Variants in OCA2 observed in about 807,000 individuals in gnomAD.
The protein encoded by OCA2 is OCA2 melanosomal transmembrane protein.
A neutral mutation model predicts 100.2 loss-of-function variants in OCA2; 77 were observed. The ratio of observed to expected loss-of-function variants is 0.77; its 90% CI spans 0.64 to 0.93. The LOEUF is 0.93. Among genes scored for constraint, OCA2 ranks in the 40% least tolerant of loss-of-function variants. OCA2 has a pLI of 0.00. For synonymous variants in OCA2, 432 were observed against 439.2 expected (o/e 0.98, Z 0.21); for missense variants, 1,062 against 1,089.1 (o/e 0.98, Z 0.35).
intron 1 of OCA2, among the ~76,000 whole-genome samples, chr15:28,097,036 C>T (rs981425471): frequency 6.6e-6 from 1 of 152,198 alleles, no homozygotes; most frequent in Admixed American, 6.5e-5. Flanking sequence ...CGGCGCTGTG[C>T]CGCTGTAGTT....
chr15:27,989,751 G>T, intron 10 of OCA2, 85 bp from the exon 11 acceptor site: 1 of 1,242,628 alleles, frequency 8.0e-7, no homozygotes, highest in Non-Finnish European at 1.2e-6. Flanking sequence ...CCCTGCTGCA[G>T]ACCCACTCAG....
At position 27,955,191 on chromosome 15, in the gene OCA2, A is replaced by AT; in HGVS notation, c.1808dup (p.Asn603LysfsTer14). 1 of 1,612,524 alleles carries AT rather than the reference A, an allele frequency of 6.2e-7. No individual in the cohort carries two copies. The highest frequency in any genetic ancestry group is 1.7e-5 in the Admixed American group (1 of 60,024). On this transcript the variant is annotated frameshift_variant, in exon 17 of 24. Transcript: ENST00000354638. LOFTEE classifies it high-confidence loss of function. ...GGAGTTCTTGGATATTGGTCTCCCA[A>AT]TTTTTGTCCTCCTGTGAGATCTGTC... is the stretch of plus-strand genomic sequence containing the variant.
At chr15:27,906,195 CAAGT>C (rs1014058314) in intron 19 of OCA2, among the ~76,000 whole-genome samples, 8 of 152,166 alleles carry the variant, frequency 5.3e-5, no homozygotes, top group Non-Finnish European at 1.2e-4. Flanking sequence ...GTTCCCAAAA[CAAGT>C]AACAATAAAT....
intron 23 of OCA2, among the ~76,000 whole-genome samples, chr15:27,836,431 CCTTT>C (rs576491748): frequency 5.2e-4 from 79 of 152,102 alleles, no homozygotes; most frequent in African/African-American, 1.9e-3. Flanking sequence ...TTCCTTCTTT[CCTTT>C]CTTTCTTTCT....
intron 21 of OCA2, among the ~76,000 whole-genome samples, chr15:27,862,704 A>G (rs955032222): frequency 6.6e-6 from 1 of 151,966 alleles, no homozygotes; most frequent in Non-Finnish European, 1.5e-5. Context: ...CGAACTCTTG[A>G]TCTCAGGTGA....
intron 14 of OCA2, among the ~76,000 whole-genome samples, chr15:27,981,671 C>G (rs933907135): frequency 7.9e-5 from 12 of 152,322 alleles, no homozygotes; most frequent in Admixed American, 7.8e-4. Context: ...CTGTCGTGTG[C>G]GTCAAGCACT....
intron 21 of OCA2, 89 bp downstream of exon 21, chr15:27,871,065 T>G (rs2036548963): frequency 1.5e-5 from 15 of 972,604 alleles, no homozygotes; most frequent in South Asian, 6.6e-5. Flanking sequence ...GGGGCAGGCT[T>G]CATCCTCTGC....
At chr15:27,721,815 G>A in the OCA2 span, among the ~76,000 whole-genome samples, 4 of 151,800 alleles carry the variant, frequency 2.6e-5, no homozygotes, top group African/African-American at 7.3e-5. Context: ...AATCTTTTTT[G>A]TTTTTATATT....
At chr15:27,751,543 G>A (rs1379907482), downstream of OCA2, among the ~76,000 whole-genome samples, 1 of 152,184 alleles carries the variant, frequency 6.6e-6, no homozygotes, top group African/African-American at 2.4e-5. Context: ...TAACATATTG[G>A]ATTCGCTGCT....
At chr15:27,886,052 A>G (rs1249067312) in intron 19 of OCA2, among the ~76,000 whole-genome samples, 2 of 152,180 alleles carry the variant, frequency 1.3e-5, no homozygotes, top group Non-Finnish European at 2.9e-5. Context: ...AGGAGACTCT[A>G]GAGAGGTGAA....
the OCA2 span, among the ~76,000 whole-genome samples, chr15:27,736,445 G>C: frequency 7.9e-5 from 12 of 152,298 alleles, no homozygotes; most frequent in Non-Finnish European, 1.2e-4. Context: ...CTGAAAGGCA[G>C]GACACAGAGC....
intron 19 of OCA2, among the ~76,000 whole-genome samples, chr15:27,904,679 AC>A (rs2038100689): frequency 6.6e-6 from 1 of 152,192 alleles, no homozygotes; most frequent in African/African-American, 2.4e-5. Flanking sequence ...ATACTCCAGC[AC>A]AAACTGGGGA....
chr15:28,006,399 A>G (rs1020769442), intron 9 of OCA2, among the ~76,000 whole-genome samples: 10 of 152,224 alleles, frequency 6.6e-5, no homozygotes, highest in African/African-American at 1.4e-4. Flanking sequence ...TACTTCAAGC[A>G]GTCTGCAAAA....
At chr15:27,758,842 A>G (rs1383663708) in intron 23 of OCA2, among the ~76,000 whole-genome samples, 1 of 152,188 alleles carries the variant, frequency 6.6e-6, no homozygotes, top group Non-Finnish European at 1.5e-5. Context: ...TCTGTGGGAC[A>G]TGAACAAAAG....
intron 19 of OCA2, among the ~76,000 whole-genome samples, chr15:27,876,853 T>C (rs188488216): frequency 6.6e-6 from 1 of 152,024 alleles, no homozygotes; most frequent in African/African-American, 2.4e-5. Context: ...CTTTTTGGCT[T>C]AGTAGGTTTT....
the OCA2 span, among the ~76,000 whole-genome samples, chr15:27,722,718 CTCTTTCTTCTTTCTT>C: frequency 4.3e-4 from 40 of 93,130 alleles, no homozygotes; most frequent in South Asian, 1.3e-3. Flanking sequence ...CTTTCTTTCT[CTCTTTCTTCTTTCTT>C]TCTTTCTTCT....
chr15:27,832,926 C>G (rs1276521364), intron 23 of OCA2, among the ~76,000 whole-genome samples: 1 of 147,822 alleles, frequency 6.8e-6, no homozygotes, highest in African/African-American at 2.5e-5. Flanking sequence ...GATTCTTCTG[C>G]CTCAGCCTCC....
At chr15:27,833,202 A>T (rs2035027906) in intron 23 of OCA2, among the ~76,000 whole-genome samples, 1 of 152,240 alleles carries the variant, frequency 6.6e-6, no homozygotes, top group Admixed American at 6.5e-5. Context: ...TTATAAAAAA[A>T]GTTTTATCTT....
rs12592307 is a variant in OCA2, at chr15:27,845,027, C to T, written c.2364G>A (p.Ser788=). The T allele has an allele frequency of 0.22, 357,452 of 1,612,506 alleles. 46,174 individuals carry two copies. Among genetic ancestry groups the T allele is most frequent in the East Asian group, 0.58 (26,167 of 44,838 alleles). Residue 788 remains serine (S), a synonymous_variant, in exon 23 of 24, where the codon TCG becomes TCA. Coordinates refer to ENST00000354638, the MANE Select transcript of OCA2 (RefSeq NM_000275.3). Reference sequence around the variant, plus strand: ...CAATCCCTGCACACACGACGTTTGCCGACGCGCCAATCAGTGTCCCGTTAC... The same window carrying T: ...CAATCCCTGCACACACGACGTTTGCTGACGCGCCAATCAGTGTCCCGTTAC... The part of the protein sequence containing the change: ...LGGNGTLIGA[S]ANVVCAGIAE...
Sources: gnomAD v4.1 joint callset for allele counts (sites outside exome capture counted in the v4.1 genomes callset) on GRCh38, gnomAD v4.1.1 for gene constraint, MANE v1.5 for transcripts, NCBI Gene and HGNC (gene_info 2026-07-23, HGNC 2026-07-21) for gene names.